The following MALL variants were observed in gnomAD, a reference collection of about 807,000 sequenced individuals.
MALL encodes the protein mal, T cell differentiation protein like.
MALL carries 2 observed loss-of-function variants against 10.3 expected under a neutral mutation model. That is an observed-to-expected ratio of 0.19 (90% CI 0.08 to 0.61). The LOEUF (loss-of-function observed/expected upper bound fraction) is 0.61, where lower values mean the gene tolerates loss of function less well. Among genes scored for constraint, MALL ranks in the 20% least tolerant of loss-of-function variants. MALL has a pLI of 0.88. For synonymous variants in MALL, 27 were observed against 51.8 expected, an observed-to-expected ratio of 0.52 and a Z score of 2.05; for missense variants, 39 against 115.2, an observed-to-expected ratio of 0.34 and a Z score of 3.03.
Position 110,115,712 on chromosome 2 carries a change from AGGGAT to A in MALL, c.76_80del (p.Ile26PhefsTer59). Reference sequence around the variant, plus strand: ...CCAGCTCGGGCAGGAAGAAGGCGAAAGGGATGGTGAGGAACAGCGCGACCCCCGAG... The same window carrying A: ...CCAGCTCGGGCAGGAAGAAGGCGAAAGGTGAGGAACAGCGCGACCCCCGAG... On this transcript the variant is annotated frameshift_variant, in exon 1 of 4. Coordinates refer to ENST00000272462, the MANE Select transcript of MALL (RefSeq NM_005434.5). LOFTEE classifies it high-confidence loss of function. 1 of 1,290,754 alleles carries A rather than the reference AGGGAT, an allele frequency of 7.7e-7. No homozygotes were observed. The highest frequency in any genetic ancestry group is 9.9e-7 in the Non-Finnish European group (1 of 1,012,034). The allele number at this position is 1,290,754 out of a possible 1,614,324, so 80.0% of individuals were successfully genotyped here. A position where few individuals can be genotyped will look rare whatever the true frequency, so the allele number is the denominator to read the frequency against.
intron 1 of MALL, among the ~76,000 whole-genome samples, chr2:110,107,252 A>T (rs1427071926): frequency 6.6e-6 from 1 of 152,148 alleles, no homozygotes; most frequent in Non-Finnish European, 1.5e-5. Flanking sequence ...GTTAGGAAAG[A>T]TGCAGCCACC....
At chr2:110,103,361 A>G (rs549813381) in intron 1 of MALL, among the ~76,000 whole-genome samples, 3 of 151,976 alleles carry the variant, frequency 2.0e-5, no homozygotes, top group Non-Finnish European at 2.9e-5. Flanking sequence ...AGGGGGCCCG[A>G]GGCTAGGGGC....
chr2:110,096,710 T>TACACACACACACACAC (rs61332655), intron 1 of MALL, among the ~76,000 whole-genome samples: 17 of 140,962 alleles, frequency 1.2e-4, no homozygotes, highest in African/African-American at 4.2e-4. Context: ...AAAATGTACC[T>TACACACACACACACAC]ACACACACAC....
intron 1 of MALL, among the ~76,000 whole-genome samples, chr2:110,113,689 G>A (rs781654566): frequency 6.6e-6 from 1 of 151,996 alleles, no homozygotes; most frequent in East Asian, 1.9e-4. Context: ...AAGGAGATAC[G>A]GCAACTAAGT....
At chr2:110,117,616 TGTGTGTGTGAGAGA>T (rs1678944353), upstream of MALL, among the ~76,000 whole-genome samples, 3 of 134,626 alleles carry the variant, frequency 2.2e-5, no homozygotes, top group South Asian at 4.9e-4. Flanking sequence ...TGTGTGTGTG[TGTGTGTGTGAGAGA>T]GAGAGAGAGA....
At chr2:110,111,884 C>G (rs548671812) in intron 1 of MALL, among the ~76,000 whole-genome samples, 140 of 152,174 alleles carry the variant, frequency 9.2e-4, no homozygotes, top group African/African-American at 3.3e-3. Flanking sequence ...TAAAAATAGG[C>G]ACATAGACCA....
At chr2:110,106,709 G>A (rs1394028697) in intron 1 of MALL, among the ~76,000 whole-genome samples, 2 of 152,012 alleles carry the variant, frequency 1.3e-5, no homozygotes, top group East Asian at 1.9e-4. Context: ...GCAATCATAC[G>A]GGGGCATTTT....
At chr2:110,103,453 A>G (rs1430548534) in intron 1 of MALL, among the ~76,000 whole-genome samples, 1 of 152,116 alleles carries the variant, frequency 6.6e-6, no homozygotes, top group African/African-American at 2.4e-5. Context: ...GCTCCTCCGC[A>G]CTAGGGCCCT....
At chr2:110,100,549 C>T (rs1407518143) in intron 1 of MALL, among the ~76,000 whole-genome samples, 1 of 152,082 alleles carries the variant, frequency 6.6e-6, no homozygotes, top group African/African-American at 2.4e-5. Context: ...AAGGGAAATA[C>T]TGTTTCCTGG....
intron 1 of MALL, among the ~76,000 whole-genome samples, chr2:110,100,476 C>G (rs1026554234): frequency 2.6e-4 from 4 of 15,398 alleles, no homozygotes; most frequent in East Asian, 0.036. Flanking sequence ...CTGTCCCCCA[C>G]CCTAAAAAAA....
At chr2:110,107,042 G>A (rs932128757) in intron 1 of MALL, among the ~76,000 whole-genome samples, 13 of 140,234 alleles carry the variant, frequency 9.3e-5, no homozygotes, top group Non-Finnish European at 1.7e-4. Context: ...GAAATTTGTG[G>A]TTTTCAGGGG....
At chr2:110,115,606 C>T in intron 1 of MALL, 82 bp downstream of exon 1, 1 of 729,234 alleles carries the variant, frequency 1.4e-6, no homozygotes, top group African/African-American at 1.9e-5. Flanking sequence ...CTGGGTCTCT[C>T]TCTTCTCGGT....
upstream of MALL, among the ~76,000 whole-genome samples, chr2:110,117,843 CAG>C (rs1468792960): frequency 6.6e-6 from 1 of 152,098 alleles, no homozygotes; most frequent in Non-Finnish European, 1.5e-5. Flanking sequence ...AAACAAAAAA[CAG>C]AGATTTTCTA....
chr2:110,105,315 G>A (rs931092629), intron 1 of MALL, among the ~76,000 whole-genome samples: 1 of 152,218 alleles, frequency 6.6e-6, no homozygotes, highest in Non-Finnish European at 1.5e-5. Flanking sequence ...CCTGTCCCAT[G>A]GCCCTTTTCA....
chr2:110,100,294 C>A (rs753587686), intron 1 of MALL, among the ~76,000 whole-genome samples: 2 of 152,044 alleles, frequency 1.3e-5, no homozygotes, highest in Non-Finnish European at 2.9e-5. Flanking sequence ...GCCTAGGCAA[C>A]AAAATGAGAT....
chr2:110,115,164 T>C (rs906551163), intron 1 of MALL, among the ~76,000 whole-genome samples: 4 of 152,058 alleles, frequency 2.6e-5, no homozygotes, highest in Non-Finnish European at 5.9e-5. Context: ...GACGTGACAA[T>C]TAAGAAAACA....
rs1017470643 is a variant in MALL at position 110,109,251 on chromosome 2, A to G, written c.105+6437T>C. On this transcript the variant is annotated intron_variant, in intron 1 of 3. Transcript: ENST00000272462. ...ATGGCCTAAATGATCCACTTAAAAG[A>G]CACAAAACCACAGAATGGATAAGAA... Among the ~76,000 whole-genome samples, 12 of 152,288 alleles carry G rather than the reference A, an allele frequency of 7.9e-5. No individual in the cohort carries two copies. In the South Asian group the frequency reaches 2.5e-3, roughly 32 times the overall value.
At chr2:110,114,610 G>A (rs1337180255) in intron 1 of MALL, among the ~76,000 whole-genome samples, 1 of 151,536 alleles carries the variant, frequency 6.6e-6, no homozygotes, top group Non-Finnish European at 1.5e-5. Context: ...TCAGATCCTA[G>A]GCCCACCCTG....
At chr2:110,097,100 A>C (rs1678458678) in intron 1 of MALL, among the ~76,000 whole-genome samples, 1 of 148,944 alleles carries the variant, frequency 6.7e-6, no homozygotes, top group African/African-American at 2.4e-5. Context: ...CAAAACAAAA[A>C]AAAAAAAAGA....
Sources: gnomAD v4.1 joint callset for allele counts (sites outside exome capture counted in the v4.1 genomes callset) on GRCh38, gnomAD v4.1.1 for gene constraint, MANE v1.5 for transcripts, NCBI Gene and HGNC (gene_info 2026-07-23, HGNC 2026-07-21) for gene names.